The following GPC6 variants were observed in gnomAD, a reference collection of about 807,000 sequenced individuals.
GPC6 encodes the protein glypican-6.
In GPC6, 14 loss-of-function variants were observed where a neutral mutation model predicts 55.2. The ratio of observed to expected loss-of-function variants is 0.25; its 90% CI spans 0.17 to 0.40. The LOEUF (loss-of-function observed/expected upper bound fraction) is 0.40, where lower values mean the gene tolerates loss of function less well. GPC6 is among the 10% of genes least tolerant of loss of function. The pLI, the probability that GPC6 is intolerant of heterozygous loss-of-function variation, is 1.00. For synonymous variants in GPC6, 278 were observed against 259.6 expected, an observed-to-expected ratio of 1.07 and a Z score of -0.68; for missense variants, 641 against 708.5, an observed-to-expected ratio of 0.90 and a Z score of 1.08.
At chr13:94,020,449 T>C (rs1482133811) in intron 3 of GPC6, among the ~76,000 whole-genome samples, 2 of 152,216 alleles carry the variant, frequency 1.3e-5, no homozygotes, top group Admixed American at 6.5e-5. Context: ...CTCTTCTGGT[T>C]GCTGTATGTT....
intron 3 of GPC6, among the ~76,000 whole-genome samples, chr13:93,976,680 G>T (rs895042617): frequency 6.6e-6 from 1 of 151,370 alleles, no homozygotes; most frequent in Non-Finnish European, 1.5e-5. Flanking sequence ...GAAGCTCATG[G>T]CACCCCCTCC....
chr13:93,936,515 T>A (rs1878442036), intron 3 of GPC6, among the ~76,000 whole-genome samples: 1 of 152,158 alleles, frequency 6.6e-6, no homozygotes, highest in Non-Finnish European at 1.5e-5. Context: ...TTCAAAGAAA[T>A]CATTTGTGTG....
chr13:93,683,352 G>A (rs1166729755), intron 2 of GPC6, among the ~76,000 whole-genome samples: 2 of 151,796 alleles, frequency 1.3e-5, no homozygotes, highest in Admixed American at 1.3e-4. Flanking sequence ...GTTCCACAGT[G>A]ACCTCTTTGA....
chr13:93,940,527 A>G (rs1048308700), intron 3 of GPC6, among the ~76,000 whole-genome samples: 3 of 152,184 alleles, frequency 2.0e-5, no homozygotes, highest in South Asian at 2.1e-4. Flanking sequence ...CTCTAGGTAT[A>G]AATACCAGGT....
At chr13:93,783,946 A>C (rs1255905286) in intron 2 of GPC6, among the ~76,000 whole-genome samples, 1 of 152,218 alleles carries the variant, frequency 6.6e-6, no homozygotes, top group African/African-American at 2.4e-5. Flanking sequence ...ATACCAAAAA[A>C]TAAAAGGTAG....
At chr13:93,663,095 C>CAAA (rs35257700) in intron 2 of GPC6, among the ~76,000 whole-genome samples, 17 of 111,166 alleles carry the variant, frequency 1.5e-4, no homozygotes, top group African/African-American at 4.2e-4. Flanking sequence ...TGACTGGTTG[C>CAAA]AAAAAAAAAA....
chr13:94,357,523 C>G (rs1171444576), intron 6 of GPC6, among the ~76,000 whole-genome samples: 2 of 152,218 alleles, frequency 1.3e-5, no homozygotes. Flanking sequence ...TTCTGCGGCA[C>G]TCTTGGCCAA....
At chr13:94,245,938 A>G (rs1051145729) in intron 4 of GPC6, among the ~76,000 whole-genome samples, 12 of 152,128 alleles carry the variant, frequency 7.9e-5, no homozygotes, top group East Asian at 1.9e-4. Flanking sequence ...AGGAACCTCC[A>G]TATTGTTTCC....
Position 93,354,358 on chromosome 13 carries a change from T to TTTTTGTTTG in GPC6, c.160+126746_160+126747insGTTTGTTTT, listed in dbSNP as rs1555293316. 3.7e-4 allele frequency among the ~76,000 whole-genome samples: 53 copies of TTTTTGTTTG among 144,374 alleles called. 1 individual carries two copies. Among genetic ancestry groups the TTTTTGTTTG allele is most frequent in the East Asian group, 3.3e-3 (16 of 4,832 alleles). The allele number at this position is 144,374 out of a possible 152,430, so 94.7% of individuals were successfully genotyped here. ...GTGCTTCCGTTGGTAGATTTTTTTT[T>TTTTTGTTTG]TTTTTTTTTTGAGACAGAGTCTCGC... On this transcript the variant is annotated intron_variant, in intron 1 of 8. Coordinates refer to ENST00000377047, the MANE Select transcript of GPC6 (RefSeq NM_005708.5).
At chr13:94,222,554 A>G (rs1238651972) in intron 4 of GPC6, among the ~76,000 whole-genome samples, 1 of 152,052 alleles carries the variant, frequency 6.6e-6, no homozygotes. Context: ...CAAGACTAGG[A>G]TGATCCTTAG....
chr13:94,204,521 G>A (rs1318720771), intron 4 of GPC6, among the ~76,000 whole-genome samples: 2 of 152,016 alleles, frequency 1.3e-5, no homozygotes, highest in East Asian at 1.9e-4. Flanking sequence ...AAAATACGGA[G>A]GTATTTTCTT....
At chr13:93,520,504 G>A (rs1295001308) in intron 1 of GPC6, among the ~76,000 whole-genome samples, 3 of 151,342 alleles carry the variant, frequency 2.0e-5, no homozygotes, top group Non-Finnish European at 4.4e-5. Context: ...AAAGGAATCA[G>A]TAAGTATCCT....
chr13:93,399,734 T>A (rs915424978), intron 1 of GPC6, among the ~76,000 whole-genome samples: 4 of 152,176 alleles, frequency 2.6e-5, no homozygotes, highest in African/African-American at 9.6e-5. Context: ...CCAGTGCCCC[T>A]CAAGGCAGTG....
intron 2 of GPC6, among the ~76,000 whole-genome samples, chr13:93,702,499 C>T (rs1008204415): frequency 6.6e-6 from 1 of 151,944 alleles, no homozygotes; most frequent in Non-Finnish European, 1.5e-5. Flanking sequence ...TTCATTAGCC[C>T]CTAATGAGGG....
intron 2 of GPC6, among the ~76,000 whole-genome samples, chr13:93,687,481 G>T (rs1882091621): frequency 6.6e-6 from 1 of 152,042 alleles, no homozygotes; most frequent in South Asian, 2.1e-4. Flanking sequence ...CAACTCATTG[G>T]CTGATATTTG....
chr13:93,774,899 A>T lies in GPC6; in HGVS notation c.320-55255A>T, dbSNP rs987634386. 2.0e-5 allele frequency among the ~76,000 whole-genome samples: 3 copies of T among 152,244 alleles called. No homozygotes were observed. In the South Asian group the frequency reaches 6.2e-4, roughly 32 times the overall value. On this transcript the variant is annotated intron_variant, in intron 2 of 8. Transcript: ENST00000377047. ...GGCATGAGGAGTGGGGCTTCAGGAA[A>T]GTCTTCTTTTACCAGAGAGCTCAGC...
chr13:93,545,799 T>A lies in GPC6; in HGVS notation c.319+378T>A, dbSNP rs1030168837. 5.9e-5 allele frequency among the ~76,000 whole-genome samples: 9 copies of A among 152,338 alleles called. No homozygotes were observed. The South Asian group carries it at 1.9e-3, about 32-fold the overall frequency. On this transcript the variant is annotated intron_variant, in intron 2 of 8. Coordinates refer to ENST00000377047, the MANE Select transcript of GPC6 (RefSeq NM_005708.5). The stretch of plus-strand genomic sequence containing the variant: ...GCGTAATTTAAGATTATTTGAAATA[T>A]AACATCACATTTGAAGAGGAAAGGC...
At chr13:94,259,907 C>T (rs1355769667) in intron 4 of GPC6, among the ~76,000 whole-genome samples, 1 of 152,156 alleles carries the variant, frequency 6.6e-6, no homozygotes, top group African/African-American at 2.4e-5. Context: ...CACACATACA[C>T]ACACACACGC....
In GPC6 at chr13:93,327,613, A is replaced by G. The variant is rs146572192; in HGVS notation, c.160+99997A>G. On this transcript the variant is annotated intron_variant, in intron 1 of 8. Transcript: ENST00000377047. ...TCCTGGCTCAGATCCTGGCTAGTTT[A>G]GGAAACATCTCACAGTCTCAGTCTC... Among the ~76,000 whole-genome samples, 852 of 152,316 alleles carry G rather than the reference A, an allele frequency of 5.6e-3. 7 individuals are homozygous for G. The highest frequency in any genetic ancestry group is 0.019 in the African/African-American group (808 of 41,564).
Sources: allele counts gnomAD v4.1 joint callset (sites outside exome capture counted in the v4.1 genomes callset), GRCh38; gene constraint gnomAD v4.1.1; transcripts MANE v1.5; gene names NCBI Gene and HGNC (gene_info 2026-07-23, HGNC 2026-07-21).